KLHL14: variants seen among roughly 807,000 people sequenced by gnomAD.
KLHL14 encodes the protein kelch-like protein 14.
In KLHL14, 22 loss-of-function variants were observed where a neutral mutation model predicts 64.3. That is an observed-to-expected ratio of 0.34 (90% confidence interval 0.24 to 0.49). KLHL14 has a LOEUF of 0.49. KLHL14 is among the 20% of genes least tolerant of loss of function. The probability of loss-of-function intolerance (pLI) is 0.99; values close to 1 mark genes in which losing one functional copy is unlikely to be tolerated. For synonymous variants in KLHL14, 322 were observed against 333.4 expected (o/e 0.97, Z 0.37); for missense variants, 661 against 789.0 (o/e 0.84, Z 1.94).
chr18:32,767,987 T>C (rs1325893730), intron 2 of KLHL14, among the ~76,000 whole-genome samples: 5 of 152,236 alleles, frequency 3.3e-5, no homozygotes, highest in African/African-American at 1.2e-4. Context: ...GTAGGTCATT[T>C]AAAAGTGACA....
In KLHL14 at chr18:32,683,602, G is replaced by A. The variant is rs111417152; in HGVS notation, c.1239-3003C>T. On this transcript the variant is annotated intron_variant, in intron 5 of 8. Transcript: ENST00000359358. The surrounding 1 kb of genome is among the most constrained non-coding windows in gnomAD (Gnocchi z 4.2). ...TTCTTATTGGGATTACACTGTTTCT[G>A]TTTCAAATTGTTCATCTCTCCCTCC... Among the ~76,000 whole-genome samples, 5,832 of 152,200 alleles carry A rather than the reference G, an allele frequency of 0.038. 370 individuals are homozygous for A. Among genetic ancestry groups the A allele is most frequent in the African/African-American group, 0.13 (5,438 of 41,510 alleles).
At position 32,683,106 on chromosome 18, in the gene KLHL14, C is replaced by T. The variant is rs1026717220; in HGVS notation, c.1239-2507G>A. Among the ~76,000 whole-genome samples, 4 of 152,176 alleles carry T rather than the reference C, an allele frequency of 2.6e-5. No individual in the cohort carries two copies. The East Asian group carries it at 5.8e-4, about 22-fold the overall frequency. On this transcript the variant is annotated intron_variant, in intron 5 of 8. Transcript: ENST00000359358. The surrounding 1 kb of genome is among the most constrained non-coding windows in gnomAD (Gnocchi z 4.2). ...CCCTTTGGTGAACTCATTTTCTTGT[C>T]TAAAATTCAGTTTTTTTTCACTTTT...
chr18:32,770,400 G>T lies in KLHL14; in HGVS notation c.192C>A (p.Ser64Arg). Residue 64 changes from serine (S) to arginine (R), a missense_variant, in exon 2 of 9, where the codon AGC becomes AGA. By Grantham distance (110) the Ser-to-Arg change is moderately radical (BLOSUM62 -1). Coordinates refer to ENST00000359358, the MANE Select transcript of KLHL14 (RefSeq NM_020805.3). The surrounding 1 kb of genome is among the most constrained non-coding windows in gnomAD (Gnocchi z 6.7). ...CSQYFRSLFS[S>R]HPPLGGGVGG... ...CGACCCCTCCCCCGAGAGGGGGGTGGCTGGAGAAGAGCGATCGGAAGTACT... is the reference window on the plus strand; with the variant it reads ...CGACCCCTCCCCCGAGAGGGGGGTGTCTGGAGAAGAGCGATCGGAAGTACT... 6.3e-7 allele frequency: 1 copy of T among 1,599,906 alleles called. No homozygotes were observed. The highest frequency in any genetic ancestry group is 2.2e-5 in the East Asian group (1 of 44,578).
At chr18:32,736,087 C>T (rs1317848371) in intron 3 of KLHL14, among the ~76,000 whole-genome samples, 1 of 152,146 alleles carries the variant, frequency 6.6e-6, no homozygotes, top group African/African-American at 2.4e-5. Context: ...TATTTGTACA[C>T]ATGCTGTTCT....
intron 2 of KLHL14, among the ~76,000 whole-genome samples, chr18:32,765,998 T>G (rs940453626): frequency 6.6e-6 from 1 of 152,092 alleles, no homozygotes; most frequent in Non-Finnish European, 1.5e-5. Flanking sequence ...ATATGATTAC[T>G]TTCATGAATG....
chr18:32,752,978 TG>T (rs2050264053), intron 2 of KLHL14, among the ~76,000 whole-genome samples: 2 of 151,464 alleles, frequency 1.3e-5, no homozygotes, highest in South Asian at 4.2e-4. Flanking sequence ...TGTGTGTGTG[TG>T]TGTGTGTGTG....
At chr18:32,750,025 G>GA (rs2050243226) in intron 2 of KLHL14, among the ~76,000 whole-genome samples, 1 of 151,898 alleles carries the variant, frequency 6.6e-6, no homozygotes, top group African/African-American at 2.4e-5. Flanking sequence ...CTCATATGGT[G>GA]AGGGGGGCAA....
At chr18:32,679,353 C>T (rs765848244) in intron 7 of KLHL14, among the ~76,000 whole-genome samples, 1 of 152,032 alleles carries the variant, frequency 6.6e-6, no homozygotes, top group Non-Finnish European at 1.5e-5. Context: ...ACTTAGATAG[C>T]CTGTTTCCCA....
chr18:32,748,478 T>G (rs1039712713), intron 2 of KLHL14, among the ~76,000 whole-genome samples: 2 of 152,154 alleles, frequency 1.3e-5, no homozygotes, highest in Non-Finnish European at 2.9e-5. Context: ...CACGCCATTC[T>G]CCTGCCTCAG....
intron 3 of KLHL14, chr18:32,740,791 G>T (rs529880391): frequency 6.6e-6 from 1 of 152,078 alleles, no homozygotes; most frequent in South Asian, 2.1e-4. Context: ...CAACCGTAGC[G>T]CATTGGTGTC....
chr18:32,769,988 T>C lies in KLHL14; in HGVS notation c.604A>G (p.Lys202Glu), dbSNP rs2050370389. Residue 202 changes from lysine to glutamate, a missense_variant, in exon 2 of 9, where the codon AAG (lysine) becomes GAG (glutamate). Coordinates refer to ENST00000359358, the MANE Select transcript of KLHL14 (RefSeq NM_020805.3). ...IAALHGLEET[K>E]KLANKYLVED... ...ACCAGGTACTTGTTGGCCAGCTTCT[T>C]GGTCTCCTCCAGGCCGTGCAGCGCG... 1.9e-6 allele frequency: 3 copies of C among 1,614,196 alleles called. No homozygotes were observed. Among genetic ancestry groups the C allele is most frequent in the Non-Finnish European group, 2.5e-6 (3 of 1,180,012 alleles).
rs2049857393 is a variant in KLHL14, at chr18:32,683,996, G to A, written c.1238+3159C>T. ...CTTTTATTTACTCTGTGAAATAGAG[G>A]CTTTGTTCTTAACGCTTCCCAAACT... On this transcript the variant is annotated intron_variant, in intron 5 of 8. Coordinates refer to ENST00000359358, the MANE Select transcript of KLHL14 (RefSeq NM_020805.3). This position sits in a 1 kb window ranked among gnomAD's most constrained non-coding sequence, Gnocchi z 4.2. Among the ~76,000 whole-genome samples the A allele has an allele frequency of 6.6e-6, 1 of 151,970 alleles. No individual in the cohort carries two copies. The highest frequency in any genetic ancestry group is 2.1e-4 in the South Asian group (1 of 4,816).
intron 3 of KLHL14, among the ~76,000 whole-genome samples, chr18:32,697,673 C>T (rs1223489150): frequency 6.6e-6 from 1 of 152,104 alleles, no homozygotes; most frequent in Non-Finnish European, 1.5e-5. Context: ...TTCATTTGCT[C>T]TCATTCAGGC....
intron 3 of KLHL14, among the ~76,000 whole-genome samples, chr18:32,726,501 G>A (rs2050108909): frequency 6.6e-6 from 1 of 152,022 alleles, no homozygotes; most frequent in African/African-American, 2.4e-5. Context: ...GTGGGCGCCT[G>A]TAATCCCAGC....
rs1334529090 is a variant in KLHL14, at chr18:32,680,556, C to T, written c.1282G>A (p.Val428Ile). 11 of 1,613,340 alleles carry T rather than the reference C, an allele frequency of 6.8e-6. No homozygotes were observed. Among genetic ancestry groups the T allele is most frequent in the South Asian group, 1.1e-5 (1 of 91,062 alleles). Residue 428 changes from valine (V) to isoleucine (I), a missense_variant, in exon 6 of 9, where the codon GTA becomes ATA. Transcript: ENST00000359358. This position sits in a 1 kb window ranked among gnomAD's most constrained non-coding sequence, Gnocchi z 4.8. ...YACRLDKHLY[V>I]IGGRNETGYL... ...CCAGTTTCATTCCTTCCACCAATTACGTATAAATGCTTGTCCAACCGACAT... is the reference window on the plus strand; with the variant it reads ...CCAGTTTCATTCCTTCCACCAATTATGTATAAATGCTTGTCCAACCGACAT...
At chr18:32,766,335 C>T (rs1222616146) in intron 2 of KLHL14, among the ~76,000 whole-genome samples, 1 of 151,956 alleles carries the variant, frequency 6.6e-6, no homozygotes, top group Non-Finnish European at 1.5e-5. Context: ...ACTATGTCTT[C>T]TGTTATTTAC....
intron 3 of KLHL14, among the ~76,000 whole-genome samples, chr18:32,721,911 CAG>C: frequency 6.6e-6 from 1 of 152,148 alleles, no homozygotes; most frequent in African/African-American, 2.4e-5. Context: ...TGGTTTGGCT[CAG>C]CGTCTCCACC....
intron 2 of KLHL14, among the ~76,000 whole-genome samples, chr18:32,746,989 A>G (rs1188790397): frequency 6.6e-6 from 1 of 152,260 alleles, no homozygotes; most frequent in Non-Finnish European, 1.5e-5. Flanking sequence ...ACTTGAGGAC[A>G]CTGACTTGGT....
rs28694885 is a variant in KLHL14 at position 32,683,828 on chromosome 18, A to G, written c.1239-3229T>C. Among the ~76,000 whole-genome samples the G allele has an allele frequency of 0.016, 2,497 of 152,252 alleles. 60 individuals are homozygous for G. The highest frequency in any genetic ancestry group is 0.057 in the African/African-American group (2,362 of 41,532). On this transcript the variant is annotated intron_variant, in intron 5 of 8. Coordinates refer to ENST00000359358, the MANE Select transcript of KLHL14 (RefSeq NM_020805.3). This position sits in a 1 kb window ranked among gnomAD's most constrained non-coding sequence, Gnocchi z 4.2. The stretch of plus-strand genomic sequence containing the variant: ...GATTACTATATCCTTACCCTGCTTG[A>G]ATTTTTGACTTTTGTCGTTGGATTA...
Sources: gnomAD v4.1 joint callset for allele counts (sites outside exome capture counted in the v4.1 genomes callset) on GRCh38, gnomAD v4.1.1 for gene constraint, Gnocchi (gnomAD v3.1) non-coding constraint, MANE v1.5 for transcripts, NCBI Gene and HGNC (gene_info 2026-07-23, HGNC 2026-07-21) for gene names.